MCTP1: variants seen among roughly 807,000 people sequenced by gnomAD.
The protein encoded by MCTP1 is multiple C2 and transmembrane domain containing 1, also known as multiple C2 and transmembrane domain-containing protein 1.
A neutral mutation model predicts 120.6 loss-of-function variants in MCTP1; 69 were observed. The observed-to-expected ratio is 0.57, with a 90% CI of 0.47 to 0.70. The LOEUF is 0.70. MCTP1 is among the 30% of genes least tolerant of loss of function. MCTP1 has a pLI of 0.00. For missense variants in MCTP1, 1,203 were observed against 1,248.8 expected (o/e 0.96, Z 0.55); for synonymous variants, 529 against 493.1 (o/e 1.07, Z -0.96).
chr5:94,958,431 A>C (rs145775379), intron 2 of MCTP1, among the ~76,000 whole-genome samples: 2,299 of 152,230 alleles, frequency 0.015, 61 homozygotes, highest in African/African-American at 0.053. Flanking sequence ...AGCAGAACTG[A>C]AGGAGATAGA....
chr5:95,260,660 T>A (rs769319265), intron 1 of MCTP1, among the ~76,000 whole-genome samples: 7 of 152,190 alleles, frequency 4.6e-5, no homozygotes, highest in Non-Finnish European at 1.0e-4. Flanking sequence ...TGCAATTTGC[T>A]TTTGCTTATA....
chr5:94,937,974 C>A (rs1387255333), intron 5 of MCTP1, among the ~76,000 whole-genome samples: 1 of 151,984 alleles, frequency 6.6e-6, no homozygotes. Context: ...AGAACCCCAG[C>A]ATAAGAATAT....
chr5:94,786,761 AT>A (rs141322426), intron 18 of MCTP1, among the ~76,000 whole-genome samples: 11,074 of 151,696 alleles, frequency 0.073, 621 homozygotes, highest in African/African-American at 0.16. Context: ...ATTTATGTTG[AT>A]TTTTTTTTAT....
intron 17 of MCTP1, among the ~76,000 whole-genome samples, chr5:94,807,734 G>A (rs886888198): frequency 1.3e-5 from 2 of 152,126 alleles, no homozygotes; most frequent in South Asian, 2.1e-4. Context: ...GGCATTTGGC[G>A]GGTGAAGCCA....
intron 1 of MCTP1, among the ~76,000 whole-genome samples, chr5:95,091,910 T>G (rs1419623739): frequency 1.3e-5 from 2 of 152,158 alleles, no homozygotes; most frequent in Non-Finnish European, 2.9e-5. Context: ...AGGCAGTAAG[T>G]GGAGGCTGAA....
intron 10 of MCTP1, among the ~76,000 whole-genome samples, chr5:94,900,202 C>T (rs1428243337): frequency 1.3e-5 from 2 of 152,216 alleles, no homozygotes; most frequent in Non-Finnish European, 2.9e-5. Flanking sequence ...TTGGACAAGG[C>T]ATGCCCTCAG....
At chr5:94,932,050 C>A in intron 5 of MCTP1, 59 bp from the exon 6 acceptor site, 1 of 1,230,038 alleles carries the variant, frequency 8.1e-7, no homozygotes, top group East Asian at 2.4e-5. Flanking sequence ...ATAGGGCAGC[C>A]AGTTGTTTTT....
chr5:94,984,591 A>C (rs1357406331), intron 2 of MCTP1, among the ~76,000 whole-genome samples: 2 of 152,172 alleles, frequency 1.3e-5, no homozygotes, highest in African/African-American at 4.8e-5. Context: ...GGTGAGTTGA[A>C]ATCTACAATT....
chr5:95,209,286 T>G (rs1489824689), intron 1 of MCTP1, among the ~76,000 whole-genome samples: 1 of 152,150 alleles, frequency 6.6e-6, no homozygotes, highest in South Asian at 2.1e-4. Flanking sequence ...GAAACACCAG[T>G]TACATTACTC....
Position 94,799,049 on chromosome 5 carries a change from CAAG to C in MCTP1, c.2517_2519del (p.Phe839del). The C allele has an allele frequency of 1.2e-6, 2 of 1,611,954 alleles. No individual in the cohort carries two copies. Among genetic ancestry groups the C allele is most frequent in the Non-Finnish European group, 1.7e-6 (2 of 1,178,670 alleles). The stretch of plus-strand genomic sequence containing the variant: ...GCCTGTTATCTTTCCCTGATATTAT[CAAG>C]AAGTAGTTCCATGTCAATAGTAACA... On this transcript the variant is annotated inframe_deletion, in exon 18 of 23. Transcript: ENST00000515393.
At chr5:95,274,697 C>T (rs1759679120) in intron 1 of MCTP1, among the ~76,000 whole-genome samples, 1 of 151,478 alleles carries the variant, frequency 6.6e-6, no homozygotes, top group African/African-American at 2.4e-5. Flanking sequence ...GATCTTGGCT[C>T]ACTGCAAACT....
intron 17 of MCTP1, among the ~76,000 whole-genome samples, chr5:94,836,244 G>C (rs1286693799): frequency 7.0e-6 from 1 of 142,504 alleles, no homozygotes; most frequent in East Asian, 2.1e-4. Context: ...ATTGTGGGAA[G>C]AAGTGAGTGA....
At position 94,974,395 on chromosome 5, in the gene MCTP1, T is replaced by A. The variant is rs544042743; in HGVS notation, c.839-21034A>T. On this transcript the variant is annotated intron_variant, in intron 2 of 22. Coordinates refer to ENST00000515393, the MANE Select transcript of MCTP1 (RefSeq NM_024717.7). ...AAACCCTGTATCTACAAAATTTTTTTAAAAAATTAGCTGGGCATGGTGGTA... is the reference window on the plus strand; with the variant it reads ...AAACCCTGTATCTACAAAATTTTTTAAAAAAATTAGCTGGGCATGGTGGTA... Among the ~76,000 whole-genome samples, 57 of 151,886 alleles carry A rather than the reference T, an allele frequency of 3.8e-4. No individual in the cohort carries two copies. In the Middle Eastern group the frequency reaches 0.014, roughly 36 times the overall value.
chr5:95,266,176 A>G lies in MCTP1; in HGVS notation c.720+17680T>C, dbSNP rs559913387. Reference sequence around the variant, plus strand: ...GATTTTTCCTCCTAAAAATCAATCCAAGTGCCCTGCAAGGTTCTAGGATAA... The same window carrying G: ...GATTTTTCCTCCTAAAAATCAATCCGAGTGCCCTGCAAGGTTCTAGGATAA... On this transcript the variant is annotated intron_variant, in intron 1 of 22. Transcript: ENST00000515393. 7.9e-5 allele frequency among the ~76,000 whole-genome samples: 12 copies of G among 152,316 alleles called. No individual in the cohort carries two copies. The South Asian group carries it at 2.5e-3, about 32-fold the overall frequency.
At chr5:95,253,665 G>A (rs993677001) in intron 1 of MCTP1, among the ~76,000 whole-genome samples, 1 of 151,940 alleles carries the variant, frequency 6.6e-6, no homozygotes, top group Non-Finnish European at 1.5e-5. Context: ...AAATGTATAG[G>A]TACATATGTA....
At chr5:94,897,717 T>C (rs2153411837) in intron 10 of MCTP1, among the ~76,000 whole-genome samples, 1 of 152,246 alleles carries the variant, frequency 6.6e-6, no homozygotes, top group Admixed American at 6.5e-5. Flanking sequence ...ATGTGCAGGT[T>C]TGTAATATAC....
chr5:95,182,886 C>T (rs537508566), intron 1 of MCTP1, among the ~76,000 whole-genome samples: 1 of 151,882 alleles, frequency 6.6e-6, no homozygotes, highest in African/African-American at 2.4e-5. Flanking sequence ...ATTAGCCGGA[C>T]ATGGTGGCGG....
rs1023134813 is a variant in MCTP1, at chr5:94,707,432, A to T, written c.*64T>A. On this transcript the variant is annotated 3_prime_UTR_variant, in exon 23 of 23. Transcript: ENST00000515393. ...AGCAGAAAGAAAGGAAATGCTGCTG[A>T]GGCTGAGGGCTTTTTCTTTTATCTT... is the stretch of plus-strand genomic sequence containing the variant. 1.2e-5 allele frequency: 15 copies of T among 1,217,648 alleles called. No homozygotes were observed. Among genetic ancestry groups the T allele is most frequent in the Non-Finnish European group, 1.7e-5 (14 of 841,866 alleles). The allele number at this position is 1,217,648 out of a possible 1,614,324, so 75.4% of individuals were successfully genotyped here.
rs565325420 is a variant in MCTP1 at position 94,835,797 on chromosome 5, G to A, written c.2436+32536C>T. On this transcript the variant is annotated intron_variant, in intron 17 of 22. Transcript: ENST00000515393. ...AGGCATGCAGATCACGAGGTCAGGA[G>A]ATCGAGACCACCCTGACTAACATGG... Among the ~76,000 whole-genome samples, 4 of 152,284 alleles carry A rather than the reference G, an allele frequency of 2.6e-5. No individual in the cohort carries two copies. The South Asian group carries it at 8.3e-4, about 32-fold the overall frequency.
Sources: gnomAD v4.1 joint callset for allele counts (sites outside exome capture counted in the v4.1 genomes callset) on GRCh38, gnomAD v4.1.1 for gene constraint, MANE v1.5 for transcripts, NCBI Gene and HGNC (gene_info 2026-07-23, HGNC 2026-07-21) for gene names.